The following BARX2 variants were observed in gnomAD, a reference collection of about 807,000 sequenced individuals.
The protein encoded by BARX2 is homeobox protein BarH-like 2.
A neutral mutation model predicts 25.5 loss-of-function variants in BARX2; 11 were observed. That is an observed-to-expected ratio of 0.43 (90% CI 0.27 to 0.71). The LOEUF is 0.71. Among genes scored for constraint, BARX2 ranks in the 30% least tolerant of loss-of-function variants. BARX2 has a pLI of 0.19. For missense variants in BARX2, 360 were observed against 359.9 expected (o/e 1.00, Z 0.00); for synonymous variants, 137 against 149.5 (o/e 0.92, Z 0.61).
intron 1 of BARX2, among the ~76,000 whole-genome samples, chr11:129,392,218 G>A (rs750488185): frequency 9.9e-5 from 15 of 152,184 alleles, no homozygotes; most frequent in Non-Finnish European, 1.5e-4. Flanking sequence ...GAGGCTTTGC[G>A]TCTCCAAGGT....
At chr11:129,439,534 G>A (rs188940868) in intron 2 of BARX2, among the ~76,000 whole-genome samples, 65 of 152,264 alleles carry the variant, frequency 4.3e-4, no homozygotes, top group Admixed American at 1.4e-3. Context: ...TCAACATTGC[G>A]GAAGGAAGCA....
At chr11:129,424,305 C>A (rs1862040438) in intron 1 of BARX2, among the ~76,000 whole-genome samples, 1 of 152,246 alleles carries the variant, frequency 6.6e-6, no homozygotes, top group African/African-American at 2.4e-5. Flanking sequence ...ATTGTCACTT[C>A]AAACTGTAAG....
At chr11:129,417,409 C>T (rs564595422) in intron 1 of BARX2, among the ~76,000 whole-genome samples, 1 of 152,274 alleles carries the variant, frequency 6.6e-6, no homozygotes, top group South Asian at 2.1e-4. Context: ...AGAGGGAAGG[C>T]AGATCTTTCC....
chr11:129,394,456 G>A (rs1293576619), intron 1 of BARX2, among the ~76,000 whole-genome samples: 1 of 152,180 alleles, frequency 6.6e-6, no homozygotes, highest in Non-Finnish European at 1.5e-5. Context: ...ACAAACAGAT[G>A]TAGTTTTTAT....
intron 1 of BARX2, among the ~76,000 whole-genome samples, chr11:129,377,286 A>G (rs1012750951): frequency 6.6e-6 from 1 of 152,236 alleles, no homozygotes; most frequent in Non-Finnish European, 1.5e-5. Flanking sequence ...TTGAGTTGTT[A>G]ATGCTCAATG....
chr11:129,392,765 C>T (rs138111053), intron 1 of BARX2, among the ~76,000 whole-genome samples: 15 of 152,082 alleles, frequency 9.9e-5, no homozygotes, highest in Middle Eastern at 3.4e-3. Flanking sequence ...TGCGTGCCAC[C>T]GTGCCCAGCT....
At chr11:129,448,190 A>C (rs1458923286) in intron 3 of BARX2, among the ~76,000 whole-genome samples, 1 of 152,220 alleles carries the variant, frequency 6.6e-6, no homozygotes, top group Non-Finnish European at 1.5e-5. Context: ...AAAACTATAA[A>C]ACTTAGAATA....
intron 1 of BARX2, among the ~76,000 whole-genome samples, chr11:129,398,731 A>C (rs946015867): frequency 3.3e-5 from 5 of 152,240 alleles, no homozygotes; most frequent in Non-Finnish European, 5.9e-5. Context: ...GTTTATCAAA[A>C]TTCTGCATGG....
chr11:129,403,102 A>G (rs1485436259), intron 1 of BARX2, among the ~76,000 whole-genome samples: 2 of 152,234 alleles, frequency 1.3e-5, no homozygotes, highest in Non-Finnish European at 2.9e-5. Flanking sequence ...TCGTGTTGCA[A>G]TGGCCTCACC....
chr11:129,376,008 GGCCGGCGGACGCTCGC>G lies in BARX2; in HGVS notation c.-21_-6del, dbSNP rs751173650. 8.5e-6 allele frequency: 12 copies of G among 1,419,276 alleles called. No homozygotes were observed. In the South Asian group the frequency reaches 1.6e-4, roughly 19 times the overall value. The allele number at this position is 1,419,276 out of a possible 1,614,324, so 87.9% of individuals were successfully genotyped here. A position where few individuals can be genotyped will look rare whatever the true frequency, so the allele number is the denominator to read the frequency against. On this transcript the variant is annotated 5_prime_UTR_variant, in exon 1 of 4. Transcript: ENST00000281437. This position sits in a 1 kb window ranked among gnomAD's most constrained non-coding sequence, Gnocchi z 4.2. ...GGCCGGGCACTCGCAGCCGCGCTCG[GGCCGGCGGACGCTCGC>G]GCCGGCTCACCATGCACTGCCACGC...
chr11:129,413,866 ATCC>A (rs1216098796), intron 1 of BARX2, among the ~76,000 whole-genome samples: 1 of 151,998 alleles, frequency 6.6e-6, no homozygotes, highest in African/African-American at 2.4e-5. Flanking sequence ...GATCGAGACA[ATCC>A]TGGCTAACAC....
chr11:129,375,254 G>A (rs1308398205), upstream of BARX2, among the ~76,000 whole-genome samples: 1 of 152,144 alleles, frequency 6.6e-6, no homozygotes, highest in South Asian at 2.1e-4. The surrounding 1 kb of genome is among the most constrained non-coding windows in gnomAD (Gnocchi z 4.0). Context: ...GCGAGACTGC[G>A]AGTGGAGGGC....
chr11:129,397,400 T>C (rs939284040), intron 1 of BARX2, among the ~76,000 whole-genome samples: 3 of 152,132 alleles, frequency 2.0e-5, no homozygotes, highest in African/African-American at 7.2e-5. Context: ...GCACAGGAGA[T>C]TGTATAGGTG....
intron 1 of BARX2, among the ~76,000 whole-genome samples, chr11:129,405,370 C>T (rs1591434355): frequency 1.3e-5 from 2 of 152,332 alleles, no homozygotes; most frequent in Admixed American, 1.3e-4. Flanking sequence ...TTTCTTTTGA[C>T]ATCCATCCCT....
chr11:129,440,188 C>T (rs1230841385), intron 2 of BARX2, among the ~76,000 whole-genome samples: 2 of 152,216 alleles, frequency 1.3e-5, no homozygotes, highest in Non-Finnish European at 2.9e-5. Context: ...AGCGAATATG[C>T]AGGGAAGTGA....
At position 129,451,239 on chromosome 11, in the gene BARX2, G is replaced by T; in HGVS notation, c.677G>T (p.Ser226Ile). The stretch of plus-strand genomic sequence containing the variant: ...ATTGAAGCTGAAGAGAAGATGAACA[G>T]CCAGGCCCAGGGTCAGGAGCAGCTG... ...EEIEAEEKMNSQAQGQEQLEP... is the reference protein window; with the variant it reads ...EEIEAEEKMNIQAQGQEQLEP... Residue 226 changes from serine to isoleucine, a missense_variant, in exon 4 of 4, where the codon AGC becomes ATC. By Grantham distance (142) the Ser-to-Ile change is moderately radical. Transcript: ENST00000281437. 1 of 1,614,188 alleles carries T rather than the reference G, an allele frequency of 6.2e-7. No individual in the cohort carries two copies. The highest frequency in any genetic ancestry group is 1.3e-5 in the African/African-American group (1 of 75,054).
chr11:129,386,925 G>A (rs1380670601), intron 1 of BARX2, among the ~76,000 whole-genome samples: 1 of 152,214 alleles, frequency 6.6e-6, no homozygotes, highest in Non-Finnish European at 1.5e-5. Context: ...AAGCTCTGGA[G>A]GGGGGCCTCA....
intron 1 of BARX2, among the ~76,000 whole-genome samples, chr11:129,430,150 C>T (rs183914675): frequency 2.6e-4 from 40 of 152,290 alleles, no homozygotes; most frequent in African/African-American, 8.7e-4. Context: ...GGAAATTCCC[C>T]AGGAGACTCC....
At chr11:129,443,140 A>AAATC (rs1350203803) in intron 3 of BARX2, among the ~76,000 whole-genome samples, 1 of 151,762 alleles carries the variant, frequency 6.6e-6, no homozygotes, top group African/African-American at 2.4e-5. Context: ...GTTTCCTTAG[A>AAATC]AATCAAAGGA....
Sources: allele counts gnomAD v4.1 joint callset (sites outside exome capture counted in the v4.1 genomes callset), GRCh38; gene constraint gnomAD v4.1.1; non-coding constraint Gnocchi (gnomAD v3.1); transcripts MANE v1.5; gene names NCBI Gene and HGNC (gene_info 2026-07-23, HGNC 2026-07-21).